Variants in TRIP12 observed in about 807,000 individuals in gnomAD.
TRIP12 encodes thyroid hormone receptor interactor 12, also known as E3 ubiquitin-protein ligase TRIP12.
A neutral mutation model predicts 244.2 loss-of-function variants in TRIP12; 25 were observed. That is an observed-to-expected ratio of 0.10 (90% CI 0.07 to 0.14). TRIP12 has a LOEUF of 0.14. TRIP12 is among the 10% of genes least tolerant of loss of function. The probability of loss-of-function intolerance (pLI) is 1.00; values close to 1 mark genes in which losing one functional copy is unlikely to be tolerated. For synonymous variants in TRIP12, 905 were observed against 873.1 expected, an observed-to-expected ratio of 1.04 and a Z score of -0.64; for missense variants, 1,677 against 2,486.4, an observed-to-expected ratio of 0.67 and a Z score of 6.92.
intron 2 of TRIP12, among the ~76,000 whole-genome samples, chr2:229,867,109 G>T (rs72989402): frequency 0.021 from 2,147 of 100,000 alleles, 41 homozygotes; most frequent in African/African-American, 0.062. Flanking sequence ...TTTTTTTTTT[G>T]TTTTTTTTTT....
chr2:229,922,530 C>G, upstream of TRIP12: 4 of 1,613,784 alleles, frequency 2.5e-6, no homozygotes, highest in East Asian at 4.5e-5. Flanking sequence ...TCGTGGCTGC[C>G]GGAGACTCTC....
At chr2:229,877,416 G>A (rs1306977907) in intron 2 of TRIP12, among the ~76,000 whole-genome samples, 1 of 152,058 alleles carries the variant, frequency 6.6e-6, no homozygotes, top group East Asian at 1.9e-4. Flanking sequence ...TGTAATCCCA[G>A]CTACTACTTG....
chr2:229,893,120 C>A (rs566776154), intron 1 of TRIP12, among the ~76,000 whole-genome samples: 4 of 152,198 alleles, frequency 2.6e-5, no homozygotes, highest in Non-Finnish European at 5.9e-5. Flanking sequence ...ACCTGTAAGT[C>A]CCATCTAGCT....
chr2:229,817,454 G>A (rs2048781737), intron 9 of TRIP12, among the ~76,000 whole-genome samples: 1 of 152,082 alleles, frequency 6.6e-6, no homozygotes, highest in African/African-American at 2.4e-5. Flanking sequence ...ATTTGATAAT[G>A]GCAATTTTTC....
intron 32 of TRIP12, 100 bp downstream of exon 32, chr2:229,788,698 T>C: frequency 2.1e-6 from 3 of 1,446,800 alleles, no homozygotes; most frequent in Non-Finnish European, 2.8e-6. Context: ...TTAATAAACA[T>C]TTGACTAGGT....
At chr2:229,847,566 T>C (rs1276959346) in intron 4 of TRIP12, among the ~76,000 whole-genome samples, 1 of 152,210 alleles carries the variant, frequency 6.6e-6, no homozygotes, top group Non-Finnish European at 1.5e-5. Flanking sequence ...AATACAATTT[T>C]AGGAGATGAA....
intron 1 of TRIP12, among the ~76,000 whole-genome samples, chr2:229,886,406 T>C (rs572615207): frequency 6.6e-6 from 1 of 152,218 alleles, no homozygotes; most frequent in South Asian, 2.1e-4. Flanking sequence ...GAATGCAATT[T>C]ATGGGCATCA....
intron 1 of TRIP12, among the ~76,000 whole-genome samples, chr2:229,919,701 TC>T (rs2076142189): frequency 6.6e-6 from 1 of 152,028 alleles, no homozygotes; most frequent in Admixed American, 6.6e-5. Flanking sequence ...CTGCTCACAC[TC>T]CAGAAAAACT....
intron 1 of TRIP12, among the ~76,000 whole-genome samples, chr2:229,885,091 T>C (rs1324095801): frequency 6.6e-6 from 1 of 151,950 alleles, no homozygotes; most frequent in Non-Finnish European, 1.5e-5. Context: ...ACTGTGATTT[T>C]TCTATGTTTG....
chr2:229,787,638 G>A lies in TRIP12; in HGVS notation c.4862C>T (p.Thr1621Ile). ...AGTTACATAAAAAAGCATTTGCCGG[G>A]TATCAAAAGGAAAGAAAAATGGGCT... ...KTCPFFFPFDTRQMLFYVTAF... is the reference protein window; with the variant it reads ...KTCPFFFPFDIRQMLFYVTAF... Residue 1621 changes from threonine to isoleucine, a missense_variant, in exon 33 of 42, where the codon ACC becomes ATC. Transcript: ENST00000675903. The A allele has an allele frequency of 6.2e-7, 1 of 1,605,074 alleles. No individual in the cohort carries two copies. Among genetic ancestry groups the A allele is most frequent in the Non-Finnish European group, 8.5e-7 (1 of 1,176,232 alleles).
Position 229,831,891 on chromosome 2 carries a change from T to G in TRIP12, c.1271-1052A>C, listed in dbSNP as rs867560506. On this transcript the variant is annotated intron_variant, in intron 6 of 41. Transcript: ENST00000675903. ...TTTTTTTTGTTTGTTTTTTGGGTTT[T>G]TTTTTTTTTTTAACACAGATGATTG... is the stretch of plus-strand genomic sequence containing the variant. Among the ~76,000 whole-genome samples, 843 of 149,912 alleles carry G rather than the reference T, an allele frequency of 5.6e-3. 7 individuals carry two copies. The highest frequency in any genetic ancestry group is 0.019 in the African/African-American group (778 of 41,052).
intron 37 of TRIP12, 147 bp from the exon 38 acceptor site, chr2:229,774,408 A>G (rs904841178): frequency 1.3e-6 from 1 of 761,628 alleles, no homozygotes. Flanking sequence ...TTTCCTGGTC[A>G]TAATCTACAT....
chr2:229,782,739 G>A (rs1344324549), intron 34 of TRIP12, among the ~76,000 whole-genome samples: 1 of 152,142 alleles, frequency 6.6e-6, no homozygotes, highest in African/African-American at 2.4e-5. Context: ...AATAGGCACA[G>A]GTAGTATCAC....
At chr2:229,814,110 G>C in intron 12 of TRIP12, 79 bp from the exon 13 acceptor site, 2 of 1,522,136 alleles carry the variant, frequency 1.3e-6, no homozygotes, top group African/African-American at 2.8e-5. Flanking sequence ...AAAAAGTCTA[G>C]CACATTACTC....
intron 4 of TRIP12, among the ~76,000 whole-genome samples, chr2:229,856,417 G>A (rs2059622195): frequency 6.6e-6 from 1 of 152,166 alleles, no homozygotes; most frequent in Non-Finnish European, 1.5e-5. Context: ...AAACACCAAG[G>A]AGAAAATCCC....
chr2:229,913,178 A>T (rs1484600382), intron 1 of TRIP12, among the ~76,000 whole-genome samples: 1 of 152,166 alleles, frequency 6.6e-6, no homozygotes, highest in South Asian at 2.1e-4. Flanking sequence ...ATGCTTCAAC[A>T]ATTTATTTAG....
intron 1 of TRIP12, among the ~76,000 whole-genome samples, chr2:229,903,341 G>C (rs2071632583): frequency 6.6e-6 from 1 of 152,028 alleles, no homozygotes; most frequent in African/African-American, 2.4e-5. Context: ...TTAAGGCCTT[G>C]TTGGTCAAGT....
chr2:229,810,283 T>C lies in TRIP12; in HGVS notation c.2221+597A>G, dbSNP rs191207646. Among the ~76,000 whole-genome samples, 578 of 152,330 alleles carry C rather than the reference T, an allele frequency of 3.8e-3. 4 individuals carry two copies. Among genetic ancestry groups the C allele is most frequent in the Middle Eastern group, 6.8e-3 (2 of 294 alleles). ...TCTGACATCAACTTAAGTCTAAGGA[T>C]TGAGAGAGGAATGGTCAACTGCAAG... On this transcript the variant is annotated intron_variant, in intron 15 of 41. Transcript: ENST00000675903.
rs570948419 is a variant in TRIP12 at position 229,766,322 on chromosome 2, T to C, written c.*1232A>G. On this transcript the variant is annotated 3_prime_UTR_variant, in exon 42 of 42. Transcript: ENST00000675903. Reference sequence around the variant, plus strand: ...ATGGAGATATGTGGATTTCCTTGCATTGAAATACATCTATACAATTGAAAG... The same window carrying C: ...ATGGAGATATGTGGATTTCCTTGCACTGAAATACATCTATACAATTGAAAG... 11 of 152,324 alleles carry C rather than the reference T, an allele frequency of 7.2e-5. No individual in the cohort carries two copies. The highest frequency in any genetic ancestry group is 1.6e-4 in the Non-Finnish European group (11 of 68,034). The allele number at this position is 152,324 out of a possible 1,614,324, so 9.4% of individuals were successfully genotyped here. A position where few individuals can be genotyped will look rare whatever the true frequency, so the allele number is the denominator to read the frequency against.
Sources: gnomAD v4.1 joint callset for allele counts (sites outside exome capture counted in the v4.1 genomes callset) on GRCh38, gnomAD v4.1.1 for gene constraint, MANE v1.5 for transcripts, NCBI Gene and HGNC (gene_info 2026-07-23, HGNC 2026-07-21) for gene names.